The following C8orf34 variants were observed in gnomAD, a reference collection of about 807,000 sequenced individuals.
C8orf34 encodes uncharacterized protein C8orf34.
In C8orf34, 65 loss-of-function variants were observed where a neutral mutation model predicts 68.3. The observed-to-expected ratio is 0.95, with a 90% CI of 0.78 to 1.17. The LOEUF (loss-of-function observed/expected upper bound fraction) is 1.17. Ranked by LOEUF, C8orf34 falls within the 50% of genes most tolerant of loss-of-function variation. The pLI is 0.00. For synonymous variants in C8orf34, 244 were observed against 241.2 expected (o/e 1.01, Z -0.11); for missense variants, 664 against 655.4 (o/e 1.01, Z -0.14).
At chr8:68,731,442 TTA>T (rs2129526865) in intron 10 of C8orf34, among the ~76,000 whole-genome samples, 1 of 152,322 alleles carries the variant, frequency 6.6e-6, no homozygotes, top group South Asian at 2.1e-4. Context: ...TGGAAAATGA[TTA>T]TGTTTATATG....
intron 10 of C8orf34, among the ~76,000 whole-genome samples, chr8:68,747,051 T>C (rs1822523754): frequency 6.6e-6 from 1 of 150,546 alleles, no homozygotes; most frequent in Non-Finnish European, 1.5e-5. Context: ...CAAGTGGGCT[T>C]CATCCCTGGG....
At chr8:68,638,294 A>G (rs1818905322) in intron 7 of C8orf34, among the ~76,000 whole-genome samples, 1 of 151,110 alleles carries the variant, frequency 6.6e-6, no homozygotes, top group Non-Finnish European at 1.5e-5. Context: ...AGATTATCTG[A>G]GTAAAGCTAG....
At chr8:68,761,105 C>A (rs547703283) in intron 10 of C8orf34, among the ~76,000 whole-genome samples, 31 of 152,312 alleles carry the variant, frequency 2.0e-4, no homozygotes, top group Admixed American at 7.2e-4. Context: ...CAGTCAAAAG[C>A]AAGGCTATCT....
chr8:68,518,156 A>G (rs776925636), intron 5 of C8orf34, among the ~76,000 whole-genome samples: 16 of 152,192 alleles, frequency 1.1e-4, no homozygotes, highest in Non-Finnish European at 2.4e-4. Context: ...TACCCATGAA[A>G]CAACCCTACA....
chr8:68,433,976 G>C (rs1389315255), intron 1 of C8orf34, among the ~76,000 whole-genome samples: 1 of 152,022 alleles, frequency 6.6e-6, no homozygotes, highest in Non-Finnish European at 1.5e-5. Context: ...GCACTACAAG[G>C]TTATCTGTTA....
chr8:68,648,871 A>G (rs943528075), intron 8 of C8orf34, among the ~76,000 whole-genome samples: 3 of 152,234 alleles, frequency 2.0e-5, no homozygotes, highest in Non-Finnish European at 4.4e-5. Flanking sequence ...AAGCACAAGT[A>G]GATCACTGTT....
At chr8:68,622,601 A>T (rs1275971710) in intron 7 of C8orf34, among the ~76,000 whole-genome samples, 1 of 152,232 alleles carries the variant, frequency 6.6e-6, no homozygotes, top group African/African-American at 2.4e-5. Flanking sequence ...AGTGAGCATA[A>T]GAGACAATAT....
chr8:68,699,599 G>C (rs948700751), intron 8 of C8orf34, among the ~76,000 whole-genome samples: 1 of 152,050 alleles, frequency 6.6e-6, no homozygotes, highest in African/African-American at 2.4e-5. Context: ...GTTTTGTCGT[G>C]AATCAATCCT....
At chr8:68,740,745 T>G (rs7009165) in intron 10 of C8orf34, among the ~76,000 whole-genome samples, 28,167 of 152,136 alleles carry the variant, frequency 0.19, 2,857 homozygotes, top group Middle Eastern at 0.3. Context: ...GGGTATATTC[T>G]CAATGGAATA....
intron 1 of C8orf34, among the ~76,000 whole-genome samples, chr8:68,356,511 C>T (rs1490835743): frequency 1.3e-5 from 2 of 152,094 alleles, no homozygotes; most frequent in Admixed American, 6.6e-5. Context: ...TTTTCATACT[C>T]ATCAATACAT....
In C8orf34 at chr8:68,629,590, A is replaced by G. The variant is rs148071500; in HGVS notation, c.1106-10786A>G. ...AATTTATCAGATGATCAATTAATTA[A>G]TTATCAAATTATACAAAATCTTATG... On this transcript the variant is annotated intron_variant, in intron 7 of 13. Transcript: ENST00000518698. Among the ~76,000 whole-genome samples, 497 of 152,296 alleles carry G rather than the reference A, an allele frequency of 3.3e-3. 5 individuals carry two copies. The highest frequency in any genetic ancestry group is 0.012 in the African/African-American group (492 of 41,566).
At chr8:68,665,112 T>TG (rs1306244949) in intron 8 of C8orf34, among the ~76,000 whole-genome samples, 1 of 152,294 alleles carries the variant, frequency 6.6e-6, no homozygotes, top group East Asian at 1.9e-4. Flanking sequence ...GACAGAAGTT[T>TG]GGGAAAAAAA....
At chr8:68,403,056 G>A (rs187771154) in intron 1 of C8orf34, among the ~76,000 whole-genome samples, 2 of 152,284 alleles carry the variant, frequency 1.3e-5, no homozygotes, top group Admixed American at 1.3e-4. Context: ...TTCATGCAGT[G>A]CTGTGCTTCC....
At chr8:68,604,604 T>A (rs999977937) in intron 7 of C8orf34, among the ~76,000 whole-genome samples, 2 of 152,232 alleles carry the variant, frequency 1.3e-5, no homozygotes, top group South Asian at 4.1e-4. Context: ...ATAATGGAAT[T>A]ATAGTATGAC....
At chr8:68,582,318 G>A (rs1817089201) in intron 7 of C8orf34, among the ~76,000 whole-genome samples, 1 of 152,180 alleles carries the variant, frequency 6.6e-6, no homozygotes, top group South Asian at 2.1e-4. Context: ...GCCTCTCAGT[G>A]TGGCCTTCCT....
At chr8:68,687,127 A>T (rs1047748175) in intron 8 of C8orf34, among the ~76,000 whole-genome samples, 1 of 152,274 alleles carries the variant, frequency 6.6e-6, no homozygotes, top group South Asian at 2.1e-4. Flanking sequence ...GACACTAATA[A>T]ATGGAAACAC....
At chr8:68,719,421 T>A (rs1161161481) in intron 9 of C8orf34, among the ~76,000 whole-genome samples, 1 of 152,024 alleles carries the variant, frequency 6.6e-6, no homozygotes, top group African/African-American at 2.4e-5. Context: ...CATACAAAGT[T>A]ACTAATACTT....
chr8:68,670,933 C>T (rs1452070236), intron 8 of C8orf34, among the ~76,000 whole-genome samples: 1 of 152,166 alleles, frequency 6.6e-6, no homozygotes, highest in Admixed American at 6.6e-5. Flanking sequence ...TTTTTCTCCT[C>T]TTTTAGACAA....
At chr8:68,753,460 G>T (rs1178732736) in intron 10 of C8orf34, among the ~76,000 whole-genome samples, 1 of 152,304 alleles carries the variant, frequency 6.6e-6, no homozygotes, top group South Asian at 2.1e-4. Context: ...GTATGATGTA[G>T]ACTGTATACA....
Sources: allele counts gnomAD v4.1 joint callset (sites outside exome capture counted in the v4.1 genomes callset), GRCh38; gene constraint gnomAD v4.1.1; transcripts MANE v1.5; gene names NCBI Gene and HGNC (gene_info 2026-07-23, HGNC 2026-07-21).